Variants in NEDD4 observed in about 807,000 individuals in gnomAD.
The protein encoded by NEDD4 is NEDD4 E3 ubiquitin protein ligase, also known as E3 ubiquitin-protein ligase NEDD4.
NEDD4 carries 99 observed loss-of-function variants against 144.9 expected under a neutral mutation model. The ratio of observed to expected loss-of-function variants is 0.68; its 90% CI spans 0.58 to 0.81. The LOEUF is 0.81. NEDD4 is among the 30% of genes least tolerant of loss of function. The probability of loss-of-function intolerance (pLI) is 0.00; values close to 1 mark genes in which losing one functional copy is unlikely to be tolerated. For synonymous variants in NEDD4, 318 were observed against 350.6 expected (o/e 0.91, Z 1.04); for missense variants, 985 against 1,065.9 (o/e 0.92, Z 1.06).
intron 27 of NEDD4, among the ~76,000 whole-genome samples, chr15:55,831,671 A>G (rs1328702158): frequency 6.6e-6 from 1 of 152,142 alleles, no homozygotes; most frequent in African/African-American, 2.4e-5. Context: ...AGTTCTGCAA[A>G]CTCATATTAA....
intron 4 of NEDD4, among the ~76,000 whole-genome samples, chr15:55,950,891 G>C (rs1469655062): frequency 6.6e-6 from 1 of 152,164 alleles, no homozygotes; most frequent in African/African-American, 2.4e-5. Context: ...TATTAAATAG[G>C]TACAAGGAGA....
chr15:55,916,207 C>G lies in NEDD4; in HGVS notation c.291+8439G>C, dbSNP rs781042067. 41 of 1,613,846 alleles carry G rather than the reference C, an allele frequency of 2.5e-5. No homozygotes were observed. In the East Asian group the frequency reaches 9.1e-4, roughly 36 times the overall value. Reference sequence around the variant, plus strand: ...GGCACACTTCTATTGGAGGTGCTGTCAGAAGGTAAGTTTCCACCCAAAAAA... The same window carrying G: ...GGCACACTTCTATTGGAGGTGCTGTGAGAAGGTAAGTTTCCACCCAAAAAA... On this transcript the variant is annotated intron_variant, in intron 5 of 28. Coordinates refer to ENST00000435532, the MANE Select transcript of NEDD4 (RefSeq NM_006154.4).
intron 5 of NEDD4, among the ~76,000 whole-genome samples, chr15:55,923,887 T>G (rs2036616296): frequency 1.3e-5 from 2 of 152,054 alleles, no homozygotes; most frequent in South Asian, 2.1e-4. Context: ...CAAAACTGTT[T>G]AATTTTTCTG....
chr15:55,827,603 A>G lies in NEDD4; in HGVS notation c.*2294T>C, dbSNP rs908980727. 6.6e-6 allele frequency: 1 copy of G among 152,222 alleles called. No homozygotes were observed. The highest frequency in any genetic ancestry group is 1.9e-4 in the East Asian group (1 of 5,206). The allele number at this position is 152,222 out of a possible 1,614,324, so 9.4% of individuals were successfully genotyped here. On this transcript the variant is annotated 3_prime_UTR_variant, in exon 29 of 29. Transcript: ENST00000435532. ...CTGTTTTAACAAAAATAATTTTCAC[A>G]TTCCATTCTACATAATGAGGACATT...
chr15:55,982,817 ACAGT>A (rs1181484686), intron 1 of NEDD4, among the ~76,000 whole-genome samples: 2 of 152,172 alleles, frequency 1.3e-5, no homozygotes, highest in Non-Finnish European at 2.9e-5. Flanking sequence ...ATTCCAACAA[ACAGT>A]CAGTAAAATA....
intron 8 of NEDD4, among the ~76,000 whole-genome samples, chr15:55,866,995 A>C (rs1211848799): frequency 1.3e-5 from 2 of 152,230 alleles, no homozygotes; most frequent in African/African-American, 4.8e-5. Context: ...GGTCAGAAAG[A>C]AAGCATTCAG....
In NEDD4 at chr15:55,841,920, G is replaced by T. The variant is rs2033528011; in HGVS notation, c.1838+14C>A. ...TTTTCTTTTTCTGCCGATAATCATT[G>T]TAAAGGTACTTACGTAGCAGAATAT... On this transcript the variant is annotated intron_variant, in intron 19 of 28. Coordinates refer to ENST00000435532, the MANE Select transcript of NEDD4 (RefSeq NM_006154.4). The T allele has an allele frequency of 6.3e-7, 1 of 1,590,298 alleles. No homozygotes were observed. Among genetic ancestry groups the T allele is most frequent in the African/African-American group, 1.3e-5 (1 of 74,506 alleles).
chr15:55,842,043 A>T lies in NEDD4; in HGVS notation c.1729T>A (p.Phe577Ile), dbSNP rs2033533546. 1 of 1,614,036 alleles carries T rather than the reference A, an allele frequency of 6.2e-7. No homozygotes were observed. Among genetic ancestry groups the T allele is most frequent in the East Asian group, 2.2e-5 (1 of 44,870 alleles). The stretch of plus-strand genomic sequence containing the variant: ...TAATCCAATCCCTTTTCACCATCAA[A>T]CTCAATCCACAGTCGAGCCTTCAGG... ...DFLKARLWIE[F>I]DGEKGLDYGG... The change falls in exon 19 of 29, where the codon TTT becomes ATT. Residue 577 changes from phenylalanine (F) to isoleucine (I), a missense_variant. Phe to Ile is a conservative substitution (Grantham distance 21). Transcript: ENST00000435532.
Position 55,842,029 on chromosome 15 carries a change from C to T in NEDD4, c.1743G>A (p.Lys581=). Reference sequence around the variant, plus strand: ...TGGCAACTCCTCCATAATCCAATCCCTTTTCACCATCAAACTCAATCCACA... The same window carrying T: ...TGGCAACTCCTCCATAATCCAATCCTTTTTCACCATCAAACTCAATCCACA... The part of the protein sequence containing the change: ...ARLWIEFDGE[K]GLDYGGVARE... Residue 581 remains lysine (K), a synonymous_variant, in exon 19 of 29, where the codon AAG becomes AAA. Transcript: ENST00000435532. The T allele has an allele frequency of 6.2e-7, 1 of 1,614,198 alleles. No homozygotes were observed. The highest frequency in any genetic ancestry group is 1.7e-5 in the Admixed American group (1 of 60,026).
At position 55,838,401 on chromosome 15, in the gene NEDD4, G is replaced by A. The variant is rs904940364; in HGVS notation, c.2127+108C>T. 3 of 814,802 alleles carry A rather than the reference G, an allele frequency of 3.7e-6. No homozygotes were observed. In the East Asian group the frequency reaches 7.9e-5, roughly 21 times the overall value. 50.5% of individuals were successfully genotyped at this position (814,802 alleles called of 1,614,324 possible). On this transcript the variant is annotated intron_variant, in intron 22 of 28. Coordinates refer to ENST00000435532, the MANE Select transcript of NEDD4 (RefSeq NM_006154.4). ...GCTCAGAGACAGCTTTTGTTACTGG[G>A]AAATGAATGTAAAAACAGAGCCTAG...
chr15:55,852,458 G>A lies in NEDD4; in HGVS notation c.1112C>T (p.Ser371Phe). ...RGRSYYVDHN[S>F]RTTTWTKPTV... ...GGGCTTTGTCCAAGTAGTCGTTCTGGAATTGTGATCTACATAATATGATCT... is the reference window on the plus strand; with the variant it reads ...GGGCTTTGTCCAAGTAGTCGTTCTGAAATTGTGATCTACATAATATGATCT... The change falls in exon 13 of 29, where the codon TCC (serine) becomes TTC (phenylalanine). Residue 371 changes from serine (S) to phenylalanine (F), a missense_variant. Physicochemically the swap from Ser to Phe is radical, Grantham distance 155. Coordinates refer to ENST00000435532, the MANE Select transcript of NEDD4 (RefSeq NM_006154.4). 6.2e-7 allele frequency: 1 copy of A among 1,612,364 alleles called. No individual in the cohort carries two copies. The highest frequency in any genetic ancestry group is 8.5e-7 in the Non-Finnish European group (1 of 1,179,100).
chr15:55,834,016 G>C (rs534997328), intron 26 of NEDD4, 22 bp downstream of exon 26: 1 of 1,535,066 alleles, frequency 6.5e-7, no homozygotes, highest in East Asian at 2.3e-5. Context: ...AGTAAGTTAT[G>C]AAAATAGAAG....
At chr15:55,911,686 T>C (rs975173213) in intron 5 of NEDD4, among the ~76,000 whole-genome samples, 6 of 151,852 alleles carry the variant, frequency 4.0e-5, no homozygotes, top group African/African-American at 9.7e-5. Flanking sequence ...CGCGCCACCA[T>C]GCCCGGCTAA....
chr15:55,840,760 T>G, intron 19 of NEDD4, 33 bp from the exon 20 acceptor site: 1 of 1,583,874 alleles, frequency 6.3e-7, no homozygotes, highest in Non-Finnish European at 8.6e-7. Flanking sequence ...ATACTTCATT[T>G]GAAAAACTTT....
At position 55,869,650 on chromosome 15, in the gene NEDD4, G is replaced by T; in HGVS notation, c.436C>A (p.Leu146Ile). ...GTTTTAGGTAAATAAGTCATTTTTA[G>T]TCTCAGATAACCTTTAACTCTTGAT... is the stretch of plus-strand genomic sequence containing the variant. ...HKSRVKGYLR[L>I]KMTYLPKTSG... The change falls in exon 8 of 29, where the codon CTA (leucine) becomes ATA (isoleucine). Residue 146 changes from leucine (L) to isoleucine (I), a missense_variant. Transcript: ENST00000435532. 1 of 1,571,032 alleles carries T rather than the reference G, an allele frequency of 6.4e-7. No individual in the cohort carries two copies. Among genetic ancestry groups the T allele is most frequent in the Non-Finnish European group, 8.7e-7 (1 of 1,155,674 alleles).
At chr15:55,874,104 G>GTTT in intron 5 of NEDD4, 96 bp from the exon 6 acceptor site, 2 of 571,618 alleles carry the variant, frequency 3.5e-6, no homozygotes, top group Non-Finnish European at 6.0e-6. Context: ...AAAATGTAGA[G>GTTT]TTTTTTTTTT....
chr15:55,960,616 T>C (rs1424946013), intron 2 of NEDD4, among the ~76,000 whole-genome samples: 1 of 152,206 alleles, frequency 6.6e-6, no homozygotes, highest in Non-Finnish European at 1.5e-5. Flanking sequence ...TAGTGGGACA[T>C]CACTTTGTGA....
chr15:55,848,306 C>T, intron 17 of NEDD4, 66 bp downstream of exon 17: 1 of 1,487,012 alleles, frequency 6.7e-7, no homozygotes, highest in South Asian at 1.1e-5. Context: ...ATGCCCGTGA[C>T]TATCTGCTCT....
intron 2 of NEDD4, among the ~76,000 whole-genome samples, chr15:55,963,433 T>C (rs961615957): frequency 6.6e-6 from 1 of 152,180 alleles, no homozygotes. Flanking sequence ...TTTTTATCTA[T>C]AATTCTTTGC....
Sources: gnomAD v4.1 joint callset for allele counts (sites outside exome capture counted in the v4.1 genomes callset) on GRCh38, gnomAD v4.1.1 for gene constraint, MANE v1.5 for transcripts, NCBI Gene and HGNC (gene_info 2026-07-23, HGNC 2026-07-21) for gene names.